FRMD3: variants seen among roughly 807,000 people sequenced by gnomAD.
The protein encoded by FRMD3 is FERM domain-containing protein 3.
FRMD3 carries 33 observed loss-of-function variants against 70.2 expected under a neutral mutation model. That is an observed-to-expected ratio of 0.47 (90% CI 0.36 to 0.63). FRMD3 has a LOEUF of 0.63. Ranked by LOEUF, FRMD3 falls within the 20% of genes least tolerant of loss-of-function variation. FRMD3 has a pLI of 0.00. For synonymous variants in FRMD3, 279 were observed against 255.9 expected (o/e 1.09, Z -0.86); for missense variants, 632 against 711.4 (o/e 0.89, Z 1.27).
chr9:83,442,081 G>A lies in FRMD3; in HGVS notation c.148-52373C>T, dbSNP rs548286612. Among the ~76,000 whole-genome samples, 83 of 152,096 alleles carry A rather than the reference G, an allele frequency of 5.5e-4. 2 individuals are homozygous for A. Among genetic ancestry groups the A allele is most frequent in the South Asian group, 3.3e-3 (16 of 4,818 alleles). ...ATCCTGTCTTTACCACTTATCAGCC[G>A]AGTGATCTTAGATGCGTCACCCTCT... On this transcript the variant is annotated intron_variant, in intron 1 of 13. Coordinates refer to ENST00000304195, the MANE Select transcript of FRMD3 (RefSeq NM_174938.6).
At chr9:83,538,707 C>A (rs1489439221), upstream of FRMD3, among the ~76,000 whole-genome samples, 1 of 152,238 alleles carries the variant, frequency 6.6e-6, no homozygotes, top group Admixed American at 6.5e-5. This position sits in a 1 kb window ranked among gnomAD's most constrained non-coding sequence, Gnocchi z 4.7. Flanking sequence ...TCCTCCCTCC[C>A]CTGGCCGCTG....
At chr9:83,496,810 G>A (rs1473882895) in intron 1 of FRMD3, among the ~76,000 whole-genome samples, 1 of 152,142 alleles carries the variant, frequency 6.6e-6, no homozygotes, top group African/African-American at 2.4e-5. Context: ...ACAAATGAGT[G>A]TACTTATAAA....
chr9:83,331,711 G>A, intron 6 of FRMD3: 1 of 647,216 alleles, frequency 1.5e-6, no homozygotes, highest in Non-Finnish European at 2.8e-6. Flanking sequence ...AAATCTCTGT[G>A]CCTTCCTTTC....
the FRMD3 span, among the ~76,000 whole-genome samples, chr9:83,548,803 T>C: frequency 2.0e-5 from 3 of 152,104 alleles, no homozygotes; most frequent in Non-Finnish European, 4.4e-5. Context: ...GGTGTTAAAA[T>C]AGGGGAAACT....
chr9:83,363,480 T>C (rs551221111), intron 3 of FRMD3, among the ~76,000 whole-genome samples: 19 of 152,170 alleles, frequency 1.2e-4, no homozygotes, highest in Non-Finnish European at 2.8e-4. Flanking sequence ...TTGCATAATA[T>C]ATACCTGTGC....
intron 2 of FRMD3, 98 bp from the exon 3 acceptor site, chr9:83,373,053 G>C: frequency 2.1e-6 from 2 of 963,038 alleles, no homozygotes; most frequent in Non-Finnish European, 3.3e-6. Context: ...GTACAGCCTC[G>C]GTTTCCATAG....
chr9:83,575,035 G>A, the FRMD3 span, among the ~76,000 whole-genome samples: 2 of 152,040 alleles, frequency 1.3e-5, no homozygotes, highest in Admixed American at 6.6e-5. Context: ...ACTGAAGCTC[G>A]CCACTGACTG....
intron 3 of FRMD3, among the ~76,000 whole-genome samples, chr9:83,358,887 C>T (rs937469247): frequency 3.3e-5 from 5 of 152,002 alleles, no homozygotes; most frequent in African/African-American, 9.7e-5. Flanking sequence ...TGCAAAATGA[C>T]GCTTGAGCAC....
rs560108618 is a variant in FRMD3 at position 83,349,732 on chromosome 9, A to G, written c.321T>C (p.Phe107=). The change falls in exon 4 of 14, where the codon TTT becomes TTC. Residue 107 remains phenylalanine, a synonymous_variant. Coordinates refer to ENST00000304195, the MANE Select transcript of FRMD3 (RefSeq NM_174938.6). ...GTTCATGTGGGTAGAATTTCACTCT[A>G]AAGCACATGGTGTATGGTGGATGAG... ...MKTHPPYTMC[F]RVKFYPHEPL... The G allele has an allele frequency of 2.5e-6, 4 of 1,612,128 alleles. No homozygotes were observed. The South Asian group carries it at 4.4e-5, about 18-fold the overall frequency.
At chr9:83,310,723 T>C (rs1263998221) in intron 8 of FRMD3, among the ~76,000 whole-genome samples, 175 bp from the exon 9 acceptor site, 2 of 152,128 alleles carry the variant, frequency 1.3e-5, no homozygotes, top group Non-Finnish European at 2.9e-5. Context: ...ATACAGCAAT[T>C]CTCTTCCCAA....
the FRMD3 span, among the ~76,000 whole-genome samples, chr9:83,552,060 G>T: frequency 2.6e-5 from 4 of 152,052 alleles, no homozygotes; most frequent in African/African-American, 4.8e-5. Flanking sequence ...CAGTTGTGAG[G>T]TTAGGTTATT....
At chr9:83,375,792 A>C (rs1463670014) in intron 2 of FRMD3, among the ~76,000 whole-genome samples, 2 of 152,152 alleles carry the variant, frequency 1.3e-5, no homozygotes, top group Non-Finnish European at 2.9e-5. Flanking sequence ...CTGTGTGATG[A>C]AATAATCTGT....
chr9:83,364,826 A>G (rs1380531336), intron 3 of FRMD3, among the ~76,000 whole-genome samples: 1 of 152,236 alleles, frequency 6.6e-6, no homozygotes, highest in Admixed American at 6.5e-5. Flanking sequence ...TCCGCCAACA[A>G]GTGGAAAGAA....
chr9:83,288,307 G>T (rs1343197546), intron 13 of FRMD3, among the ~76,000 whole-genome samples: 1 of 152,146 alleles, frequency 6.6e-6, no homozygotes, highest in Non-Finnish European at 1.5e-5. Context: ...AGTAACAGAG[G>T]TACAATGGTA....
chr9:83,507,673 C>CA (rs1397459904), intron 1 of FRMD3, among the ~76,000 whole-genome samples: 1 of 54,764 alleles, frequency 1.8e-5, no homozygotes, highest in Non-Finnish European at 3.9e-5. Flanking sequence ...CCGTCTCAAA[C>CA]AAAAAAAAAT....
intron 1 of FRMD3, among the ~76,000 whole-genome samples, chr9:83,404,823 A>T (rs1334044527): frequency 6.6e-6 from 1 of 152,086 alleles, no homozygotes; most frequent in East Asian, 1.9e-4. Context: ...GTGCCTTTTT[A>T]TTTGCGTTTT....
chr9:83,297,273 T>C (rs1198450890), intron 12 of FRMD3, among the ~76,000 whole-genome samples: 1 of 152,166 alleles, frequency 6.6e-6, no homozygotes, highest in African/African-American at 2.4e-5. Context: ...CCTGGAAGAA[T>C]AAAATGCATG....
At chr9:83,420,296 C>CA (rs1306065726) in intron 1 of FRMD3, among the ~76,000 whole-genome samples, 1 of 152,082 alleles carries the variant, frequency 6.6e-6, no homozygotes, top group East Asian at 1.9e-4. Flanking sequence ...GGCTGAACAG[C>CA]AAAAAGGGGA....
intron 1 of FRMD3, among the ~76,000 whole-genome samples, chr9:83,421,014 C>G (rs1826623366): frequency 7.0e-6 from 1 of 143,274 alleles, no homozygotes. Context: ...GATCTCGGCT[C>G]ACTGCAAGCT....
Sources: allele counts gnomAD v4.1 joint callset (sites outside exome capture counted in the v4.1 genomes callset), GRCh38; gene constraint gnomAD v4.1.1; non-coding constraint Gnocchi (gnomAD v3.1); transcripts MANE v1.5; gene names NCBI Gene and HGNC (gene_info 2026-07-23, HGNC 2026-07-21).